The following BBX variants were observed in gnomAD, a reference collection of about 807,000 sequenced individuals.
The protein encoded by BBX is HMG box transcription factor BBX.
BBX carries 30 observed loss-of-function variants against 100.2 expected under a neutral mutation model. That is an observed-to-expected ratio of 0.30 (90% confidence interval 0.22 to 0.41). The LOEUF is 0.41. Among genes scored for constraint, BBX ranks in the 10% least tolerant of loss-of-function variants. The pLI, the probability that BBX is intolerant of heterozygous loss-of-function variation, is 1.00. For synonymous variants in BBX, 376 were observed against 388.1 expected (o/e 0.97, Z 0.37); for missense variants, 1,023 against 1,129.8 (o/e 0.91, Z 1.35).
chr3:107,743,606 C>T (rs2064296693), intron 7 of BBX, among the ~76,000 whole-genome samples: 1 of 152,202 alleles, frequency 6.6e-6, no homozygotes, highest in Admixed American at 6.5e-5. Flanking sequence ...GTTAGAGAAA[C>T]ACGTCCTCAA....
chr3:107,697,741 G>A (rs968721133), intron 3 of BBX, among the ~76,000 whole-genome samples: 4 of 151,782 alleles, frequency 2.6e-5, no homozygotes, highest in Non-Finnish European at 5.9e-5. Context: ...CGAGCTTCCT[G>A]GCTGCTTTGT....
chr3:107,772,678 A>G lies in BBX; in HGVS notation c.957A>G (p.Lys319=). The change falls in exon 11 of 18, where the codon AAA becomes AAG. Residue 319 remains lysine (K), a synonymous_variant. Transcript: ENST00000325805. The part of the protein sequence containing the change: ...GMKMEESKLI[K]AKESDGGRIK... ...AAATGGAAGAATCAAAGCTAATAAA[A>G]GCAAAAGAATCCGATGGTGGAAGAA... The G allele has an allele frequency of 6.2e-7, 1 of 1,601,122 alleles. No homozygotes were observed. Among genetic ancestry groups the G allele is most frequent in the African/African-American group, 1.4e-5 (1 of 73,820 alleles).
chr3:107,597,414 C>G (rs2053736919), intron 2 of BBX, among the ~76,000 whole-genome samples: 1 of 152,172 alleles, frequency 6.6e-6, no homozygotes, highest in Middle Eastern at 3.4e-3. Flanking sequence ...ATGTAAATTG[C>G]AAAGCTTTGA....
rs1191922825 is a variant in BBX at position 107,548,574 on chromosome 3, A to C, written c.-84+22176A>C. On this transcript the variant is annotated intron_variant, in intron 2 of 17. Transcript: ENST00000325805. ...TTTAAATAGTTCCACTGTGGAAAGC[A>C]GTTAGGAGATTTCTCAAAGAACTTA... Among the ~76,000 whole-genome samples, 7 of 152,226 alleles carry C rather than the reference A, an allele frequency of 4.6e-5. No homozygotes were observed. The South Asian group carries it at 1.4e-3, about 31-fold the overall frequency.
At chr3:107,787,592 AACACAAGT>A (rs1417808041) in intron 13 of BBX, among the ~76,000 whole-genome samples, 2 of 152,194 alleles carry the variant, frequency 1.3e-5, no homozygotes, top group African/African-American at 4.8e-5. Flanking sequence ...TCTGAATATA[AACACAAGT>A]TTTATACTTT....
chr3:107,663,104 A>C (rs1044148673), intron 3 of BBX, among the ~76,000 whole-genome samples: 6 of 152,306 alleles, frequency 3.9e-5, no homozygotes, highest in Non-Finnish European at 7.4e-5. Flanking sequence ...CAGTAATAAC[A>C]GGTATAATGT....
At chr3:107,576,904 A>ATTGG (rs2051824516) in intron 2 of BBX, among the ~76,000 whole-genome samples, 1 of 152,070 alleles carries the variant, frequency 6.6e-6, no homozygotes, top group South Asian at 2.1e-4. Flanking sequence ...CTCTGTCTCC[A>ATTGG]GGCTGTAGTG....
At chr3:107,569,856 G>C (rs2051212061) in intron 2 of BBX, among the ~76,000 whole-genome samples, 1 of 152,192 alleles carries the variant, frequency 6.6e-6, no homozygotes, top group Non-Finnish European at 1.5e-5. Context: ...CAAAGTGTCT[G>C]TGATGGTCCA....
intron 2 of BBX, among the ~76,000 whole-genome samples, chr3:107,615,091 TGAG>T (rs1006187026): frequency 1.3e-5 from 2 of 152,124 alleles, no homozygotes; most frequent in African/African-American, 4.8e-5. Context: ...GGAATGCTTT[TGAG>T]GAGGGGACAA....
Position 107,805,510 on chromosome 3 carries a change from T to C in BBX, c.*53T>C, listed in dbSNP as rs2071002159. 6.2e-7 allele frequency: 1 copy of C among 1,613,734 alleles called. No individual in the cohort carries two copies. Among genetic ancestry groups the C allele is most frequent in the Non-Finnish European group, 8.5e-7 (1 of 1,179,772 alleles). On this transcript the variant is annotated 3_prime_UTR_variant, in exon 18 of 18. Coordinates refer to ENST00000325805, the MANE Select transcript of BBX (RefSeq NM_001142568.3). ...CTTTACCTACTACCCTAGCCTTGTC[T>C]TTACCGAGGGATGCTAGTGAGTCCA...
Position 107,636,885 on chromosome 3 carries a change from G to A in BBX, c.-83-8951G>A, listed in dbSNP as rs2056880090. ...ATCGTAAAGAGGTTGTTACTGTAGAGAATGTGCTTAGTTTTAATGGAAAAC... is the reference window on the plus strand; with the variant it reads ...ATCGTAAAGAGGTTGTTACTGTAGAAAATGTGCTTAGTTTTAATGGAAAAC... On this transcript the variant is annotated intron_variant, in intron 2 of 17. Coordinates refer to ENST00000325805, the MANE Select transcript of BBX (RefSeq NM_001142568.3). 2.0e-5 allele frequency among the ~76,000 whole-genome samples: 3 copies of A among 152,356 alleles called. No individual in the cohort carries two copies. The South Asian group carries it at 6.2e-4, about 32-fold the overall frequency.
At chr3:107,782,533 A>G (rs2068000336) in intron 13 of BBX, among the ~76,000 whole-genome samples, 1 of 151,894 alleles carries the variant, frequency 6.6e-6, no homozygotes, top group African/African-American at 2.4e-5. Flanking sequence ...CACCTTACTC[A>G]CTGACCTTGA....
chr3:107,631,726 G>T (rs1201392165), intron 2 of BBX, among the ~76,000 whole-genome samples: 1 of 151,972 alleles, frequency 6.6e-6, no homozygotes. Flanking sequence ...TCAGTTCCAG[G>T]TCAATTTTCC....
intron 2 of BBX, among the ~76,000 whole-genome samples, chr3:107,564,524 T>G (rs1413346736): frequency 6.6e-6 from 1 of 152,196 alleles, no homozygotes; most frequent in Non-Finnish European, 1.5e-5. Flanking sequence ...CTATCTGCAA[T>G]TTATTGTTAA....
chr3:107,597,586 T>C (rs2107609674), intron 2 of BBX, among the ~76,000 whole-genome samples: 1 of 152,324 alleles, frequency 6.6e-6, no homozygotes, highest in Admixed American at 6.5e-5. Flanking sequence ...TGGAATTTTG[T>C]TTACATAAGT....
At chr3:107,602,076 C>A (rs2054104120) in intron 2 of BBX, among the ~76,000 whole-genome samples, 1 of 152,220 alleles carries the variant, frequency 6.6e-6, no homozygotes, top group Non-Finnish European at 1.5e-5. Flanking sequence ...CATTTGTTTA[C>A]AGCAGGGTTT....
intron 2 of BBX, among the ~76,000 whole-genome samples, chr3:107,555,676 A>T (rs1156632171): frequency 6.6e-6 from 1 of 152,220 alleles, no homozygotes; most frequent in Non-Finnish European, 1.5e-5. Flanking sequence ...CACTGCTGGG[A>T]TGGAAAGCTG....
At chr3:107,542,312 T>G (rs2048918806) in intron 2 of BBX, among the ~76,000 whole-genome samples, 1 of 152,220 alleles carries the variant, frequency 6.6e-6, no homozygotes, top group Non-Finnish European at 1.5e-5. Context: ...TTTTAGAATG[T>G]TTATTTCTAT....
At chr3:107,799,099 G>A (rs573462042) in intron 16 of BBX, among the ~76,000 whole-genome samples, 5 of 151,526 alleles carry the variant, frequency 3.3e-5, no homozygotes, top group African/African-American at 7.3e-5. Flanking sequence ...GCAGTGAGCC[G>A]AGATCGCGCC....
Sources: allele counts gnomAD v4.1 joint callset (sites outside exome capture counted in the v4.1 genomes callset), GRCh38; gene constraint gnomAD v4.1.1; transcripts MANE v1.5; gene names NCBI Gene and HGNC (gene_info 2026-07-23, HGNC 2026-07-21).